The following POLE variants were observed in gnomAD, a reference collection of about 807,000 sequenced individuals.
POLE encodes the protein DNA polymerase epsilon catalytic subunit A.
Under a neutral mutation model 279.2 loss-of-function variants are expected in POLE, and 188 were observed. The observed-to-expected ratio is 0.67, with a 90% CI of 0.60 to 0.76. The LOEUF is 0.76. POLE is among the 30% of genes least tolerant of loss of function. The probability of loss-of-function intolerance (pLI) is 0.00; values close to 1 mark genes in which losing one functional copy is unlikely to be tolerated. For synonymous variants in POLE, 1,214 were observed against 1,172.5 expected, an observed-to-expected ratio of 1.04 and a Z score of -0.72; for missense variants, 2,703 against 3,016.7, an observed-to-expected ratio of 0.90 and a Z score of 2.44.
intron 45 of POLE, among the ~76,000 whole-genome samples, 174 bp from the exon 46 acceptor site, chr12:132,626,491 A>G (rs543089323): frequency 6.6e-6 from 1 of 152,312 alleles, no homozygotes; most frequent in Non-Finnish European, 1.5e-5. Flanking sequence ...TCCATCGGTG[A>G]GGACAGGCTT....
At chr12:132,652,806 A>G (rs1161952283) in intron 29 of POLE, among the ~76,000 whole-genome samples, 3 of 152,104 alleles carry the variant, frequency 2.0e-5, no homozygotes, top group African/African-American at 7.2e-5. Context: ...TCATCTTGTC[A>G]AGATGCCATG....
At position 132,623,863 on chromosome 12, in the gene POLE, C is replaced by T. The variant is rs927057100; in HGVS notation, c.*834G>A. The T allele has an allele frequency of 5.6e-5, 11 of 194,710 alleles. No individual in the cohort carries two copies. Among genetic ancestry groups the T allele is most frequent in the Admixed American group, 3.7e-4 (6 of 16,380 alleles). The allele number at this position is 194,710 out of a possible 1,614,324, so 12.1% of individuals were successfully genotyped here. On this transcript the variant is annotated 3_prime_UTR_variant, in exon 49 of 49. Coordinates refer to ENST00000320574, the MANE Select transcript of POLE (RefSeq NM_006231.4). ...TAAGGCTGGCTCTGGGCCAAAGACA[C>T]GAGCCTCCTGGGGAGCCTGTGGGGC...
chr12:132,673,376 C>A, intron 13 of POLE, 99 bp from the exon 14 acceptor site: 1 of 1,149,408 alleles, frequency 8.7e-7, no homozygotes, highest in South Asian at 1.3e-5. Flanking sequence ...CAGCCTGCCG[C>A]ACACACAGTA....
intron 1 of POLE, among the ~76,000 whole-genome samples, chr12:132,685,969 G>A (rs560428211): frequency 6.6e-6 from 1 of 152,000 alleles, no homozygotes; most frequent in South Asian, 2.1e-4. Context: ...TCCGCCTGCC[G>A]CGTTCAAGTG....
chr12:132,660,777 T>C (rs899867592), intron 25 of POLE, 192 bp downstream of exon 25: 2 of 438,940 alleles, frequency 4.6e-6, no homozygotes, highest in Non-Finnish European at 8.0e-6. Flanking sequence ...CCCTCAGAGT[T>C]GTGTCCCTGG....
rs5744855 is a variant in POLE, at chr12:132,659,766, C to T, written c.3061-257G>A. The T allele has an allele frequency of 3.8e-3, 1,671 of 437,082 alleles. 17 individuals carry two copies. The highest frequency in any genetic ancestry group is 0.031 in the African/African-American group (1,545 of 50,382). The allele number at this position is 437,082 out of a possible 1,614,324, so 27.1% of individuals were successfully genotyped here. On this transcript the variant is annotated intron_variant, in intron 25 of 48. Transcript: ENST00000320574. ...GGAGTGCAGTGGTGCAATCTCAACT[C>T]ACTAAAACCTCCCCTCCTGGGTTCA...
In POLE at chr12:132,643,038, G is replaced by A. The variant is rs1316500139; in HGVS notation, c.4552-42C>T. 2.6e-6 allele frequency: 4 copies of A among 1,548,950 alleles called. No individual in the cohort carries two copies. The South Asian group carries it at 4.9e-5, about 19-fold the overall frequency. Reference sequence around the variant, plus strand: ...CACGTCAGCCTCCCCCTGCGCAGGAGGAAGTGGGGGCAGCCCTGGGGCAGA... The same window carrying A: ...CACGTCAGCCTCCCCCTGCGCAGGAAGAAGTGGGGGCAGCCCTGGGGCAGA... On this transcript the variant is annotated intron_variant, in intron 35 of 48. Transcript: ENST00000320574.
chr12:132,643,376 G>C lies in POLE; in HGVS notation c.4444+31C>G, dbSNP rs755570386. 3 of 1,614,202 alleles carry C rather than the reference G, an allele frequency of 1.9e-6. No individual in the cohort carries two copies. In the South Asian group the frequency reaches 3.3e-5, roughly 18 times the overall value. ...GTCACCCCAGATGTGTGGGAGGCAG[G>C]CACATGATGGGCGGCTGGTGCAGGC... On this transcript the variant is annotated intron_variant, in intron 34 of 48. Coordinates refer to ENST00000320574, the MANE Select transcript of POLE (RefSeq NM_006231.4).
At chr12:132,654,309 G>A (rs2042487007) in intron 29 of POLE, among the ~76,000 whole-genome samples, 1 of 151,844 alleles carries the variant, frequency 6.6e-6, no homozygotes, top group Admixed American at 6.6e-5. Context: ...CTGGGCTCAA[G>A]CTATCCTCCC....
intron 42 of POLE, among the ~76,000 whole-genome samples, chr12:132,635,429 G>A (rs1006186169): frequency 3.9e-5 from 6 of 152,206 alleles, no homozygotes; most frequent in Non-Finnish European, 5.9e-5. Context: ...ATGGGGCCAA[G>A]AAAGCTCCAA....
At chr12:132,662,872 G>A (rs949019749) in intron 23 of POLE, among the ~76,000 whole-genome samples, 7 of 152,136 alleles carry the variant, frequency 4.6e-5, no homozygotes, top group African/African-American at 7.2e-5. Context: ...ACTCTGATCC[G>A]CAAATCCACA....
At chr12:132,641,415 T>A (rs1405063079) in intron 39 of POLE, 23 of 577,772 alleles carry the variant, frequency 4.0e-5, no homozygotes, top group Non-Finnish European at 6.8e-5. Context: ...GAAGTACCTC[T>A]GGCCACAGGG....
In POLE at chr12:132,675,549, G is replaced by A. The variant is rs764456716; in HGVS notation, c.1107-32C>T. 2.2e-5 allele frequency: 36 copies of A among 1,612,824 alleles called. No individual in the cohort carries two copies. Among genetic ancestry groups the A allele is most frequent in the East Asian group, 6.7e-5 (3 of 44,892 alleles). Reference sequence around the variant, plus strand: ...TGGAAAGAGGACAGACAAGCAAGTGGGCAGGTCAGGCTCTAATGCCCCTTT... The same window carrying A: ...TGGAAAGAGGACAGACAAGCAAGTGAGCAGGTCAGGCTCTAATGCCCCTTT... On this transcript the variant is annotated intron_variant, in intron 11 of 48. Transcript: ENST00000320574. This position sits in a 1 kb window ranked among gnomAD's most constrained non-coding sequence, Gnocchi z 4.3.
intron 29 of POLE, among the ~76,000 whole-genome samples, chr12:132,656,392 G>A (rs927687359): frequency 2.7e-5 from 4 of 150,548 alleles, no homozygotes; most frequent in South Asian, 4.2e-4. Context: ...ACGGAGTCTC[G>A]CTCTGTCGCC....
intron 3 of POLE, 106 bp from the exon 4 acceptor site, chr12:132,680,328 G>A (rs2043140501): frequency 7.7e-6 from 8 of 1,038,096 alleles, no homozygotes; most frequent in Middle Eastern, 4.4e-4. Context: ...CCTAGGGCCA[G>A]GGTAGCCTTG....
intron 1 of POLE, among the ~76,000 whole-genome samples, chr12:132,682,707 T>A (rs1002987352): frequency 2.0e-5 from 3 of 152,108 alleles, no homozygotes; most frequent in Admixed American, 2.0e-4. Context: ...ATCCCAGCAC[T>A]TTGGGAGGCC....
Position 132,624,305 on chromosome 12 carries a change from A to G in POLE, c.*392T>C, listed in dbSNP as rs1295890364. 1 of 291,394 alleles carries G rather than the reference A, an allele frequency of 3.4e-6. No homozygotes were observed. Among genetic ancestry groups the G allele is most frequent in the African/African-American group, 2.1e-5 (1 of 47,072 alleles). 18.1% of individuals were successfully genotyped at this position (291,394 alleles called of 1,614,324 possible). A position where few individuals can be genotyped will look rare whatever the true frequency, so the allele number is the denominator to read the frequency against. On this transcript the variant is annotated 3_prime_UTR_variant, in exon 49 of 49. Transcript: ENST00000320574. ...CAATCTCAGGGAGCCAGAAGCCCCC[A>G]GGGGCTTTTCCTCCCTCTGGGAGGC...
intron 29 of POLE, among the ~76,000 whole-genome samples, chr12:132,653,442 C>G (rs2042466615): frequency 6.6e-6 from 1 of 152,124 alleles, no homozygotes; most frequent in Non-Finnish European, 1.5e-5. Context: ...GAATTTATTC[C>G]TTAGTACATT....
At chr12:132,671,313 G>A (rs867673290) in intron 16 of POLE, among the ~76,000 whole-genome samples, 1 of 141,804 alleles carries the variant, frequency 7.1e-6, no homozygotes, top group African/African-American at 2.6e-5. Context: ...TGTGAAAACT[G>A]TTAAAAACTC....
Sources: gnomAD v4.1 joint callset for allele counts (sites outside exome capture counted in the v4.1 genomes callset) on GRCh38, gnomAD v4.1.1 for gene constraint, Gnocchi (gnomAD v3.1) non-coding constraint, MANE v1.5 for transcripts, NCBI Gene and HGNC (gene_info 2026-07-23, HGNC 2026-07-21) for gene names.